ZYG11B: variants seen among roughly 807,000 people sequenced by gnomAD.
ZYG11B encodes zyg-11 family member B, cell cycle regulator.
ZYG11B carries 36 observed loss-of-function variants against 82.4 expected under a neutral mutation model. That is an observed-to-expected ratio of 0.44 (90% CI 0.33 to 0.58). The LOEUF (loss-of-function observed/expected upper bound fraction) is 0.58. ZYG11B is among the 20% of genes least tolerant of loss of function. The probability of loss-of-function intolerance (pLI) is 0.02; values close to 1 mark genes in which losing one functional copy is unlikely to be tolerated. For missense variants in ZYG11B, 552 were observed against 895.6 expected, an observed-to-expected ratio of 0.62 and a Z score of 4.90; for synonymous variants, 303 against 312.8, an observed-to-expected ratio of 0.97 and a Z score of 0.33.
chr1:52,785,010 A>G lies in ZYG11B; in HGVS notation c.1226A>G (p.His409Arg). ...GTCCGACTCCTGGCTGATGTGACCC[A>G]TTTGCTGCTCAAAGCCATGGAACAT... is the stretch of plus-strand genomic sequence containing the variant. The part of the protein sequence containing the change: ...MPVRLLADVT[H>R]LLLKAMEHFP... Residue 409 changes from histidine to arginine, a missense_variant, in exon 5 of 14, where the codon CAT becomes CGT. Physicochemically the swap from His to Arg is conservative, Grantham distance 29. This residue lies in a region of ZYG11B where 359 missense variants were observed against 555.8 expected (regional missense o/e 0.65). Coordinates refer to ENST00000294353, the MANE Select transcript of ZYG11B (RefSeq NM_024646.3). 1 of 1,613,738 alleles carries G rather than the reference A, an allele frequency of 6.2e-7. No homozygotes were observed.
chr1:52,788,208 G>A (rs1644929553), intron 5 of ZYG11B, among the ~76,000 whole-genome samples: 1 of 151,884 alleles, frequency 6.6e-6, no homozygotes, highest in African/African-American at 2.4e-5. Flanking sequence ...ATTCCACATT[G>A]AATTCCTTAA....
At chr1:52,776,097 T>C (rs912060559) in intron 3 of ZYG11B, among the ~76,000 whole-genome samples, 1 of 150,302 alleles carries the variant, frequency 6.7e-6, no homozygotes, top group African/African-American at 2.4e-5. Flanking sequence ...CGCATGCCTG[T>C]AATCCCAGCT....
intron 3 of ZYG11B, among the ~76,000 whole-genome samples, chr1:52,774,609 A>ATTTTTTTTTTTTTTTTTTTTT (rs35043109): frequency 9.0e-6 from 1 of 111,148 alleles, no homozygotes; most frequent in Non-Finnish European, 1.7e-5. Context: ...GCCTGGCCTA[A>ATTTTTTTTTTTTTTTTTTTTT]TTTTTTTTTT....
chr1:52,793,110 G>C (rs918609169), intron 6 of ZYG11B, among the ~76,000 whole-genome samples: 1 of 151,912 alleles, frequency 6.6e-6, no homozygotes, highest in Non-Finnish European at 1.5e-5. Context: ...AAAGTGCTGG[G>C]ATTACAGGTG....
intron 1 of ZYG11B, among the ~76,000 whole-genome samples, chr1:52,726,891 CT>C (rs1231169380): frequency 6.6e-6 from 1 of 152,056 alleles, no homozygotes; most frequent in East Asian, 1.9e-4. Context: ...GTGACACCCC[CT>C]GAATCTCCCT....
intron 10 of ZYG11B, among the ~76,000 whole-genome samples, chr1:52,808,733 A>G (rs898571789): frequency 3.9e-5 from 6 of 152,152 alleles, no homozygotes; most frequent in Admixed American, 2.0e-4. Context: ...GCTAATTTGC[A>G]CATGTTAAGC....
At chr1:52,776,176 G>A (rs1244751233) in intron 3 of ZYG11B, among the ~76,000 whole-genome samples, 4 of 123,192 alleles carry the variant, frequency 3.2e-5, no homozygotes, top group East Asian at 2.3e-4. Flanking sequence ...CCAAGATGGC[G>A]CCATTGATTT....
chr1:52,793,896 C>CTTCCTTCA (rs1268346317), intron 6 of ZYG11B, among the ~76,000 whole-genome samples: 11 of 148,976 alleles, frequency 7.4e-5, no homozygotes, highest in African/African-American at 2.8e-4. Context: ...TCCTTCCTTC[C>CTTCCTTCA]TTCCTTTCTT....
At chr1:52,786,539 A>T (rs1644914134) in intron 5 of ZYG11B, among the ~76,000 whole-genome samples, 2 of 152,124 alleles carry the variant, frequency 1.3e-5, no homozygotes, top group Non-Finnish European at 2.9e-5. Flanking sequence ...ACTTGAGCCC[A>T]GGAGTTCAAG....
rs1430699406 is a variant in ZYG11B, at chr1:52,823,611, T to C, written c.*1982T>C. On this transcript the variant is annotated 3_prime_UTR_variant, in exon 14 of 14. Transcript: ENST00000294353. ...GTGGTAGTTTGGAAATTGCTAGATATGTTGACCGTTTCCAGGTCTTTTATC... is the reference window on the plus strand; with the variant it reads ...GTGGTAGTTTGGAAATTGCTAGATACGTTGACCGTTTCCAGGTCTTTTATC... 6 of 151,996 alleles carry C rather than the reference T, an allele frequency of 3.9e-5. No homozygotes were observed. The highest frequency in any genetic ancestry group is 5.9e-5 in the Non-Finnish European group (4 of 68,006). 9.4% of individuals were successfully genotyped at this position (151,996 alleles called of 1,614,324 possible). A position where few individuals can be genotyped will look rare whatever the true frequency, so the allele number is the denominator to read the frequency against.
intron 4 of ZYG11B, among the ~76,000 whole-genome samples, chr1:52,783,205 G>T (rs773922218): frequency 6.6e-6 from 1 of 152,174 alleles, no homozygotes; most frequent in Non-Finnish European, 1.5e-5. Context: ...GGGATTACAG[G>T]CATGAGCCAC....
chr1:52,749,026 C>A (rs970495271), intron 1 of ZYG11B, among the ~76,000 whole-genome samples: 2 of 151,676 alleles, frequency 1.3e-5, no homozygotes, highest in South Asian at 2.1e-4. Flanking sequence ...CATGATGAAA[C>A]CCCGTTTCTA....
At chr1:52,792,119 T>G (rs1039127405) in intron 6 of ZYG11B, among the ~76,000 whole-genome samples, 2 of 152,200 alleles carry the variant, frequency 1.3e-5, no homozygotes, top group Non-Finnish European at 2.9e-5. Flanking sequence ...TCCTCTCATC[T>G]AGCCAATGCA....
rs1644747665 is a variant in ZYG11B at position 52,771,228 on chromosome 1, G to A, written c.405G>A (p.Gln135=). 6.2e-7 allele frequency: 1 copy of A among 1,614,198 alleles called. No individual in the cohort carries two copies. The highest frequency in any genetic ancestry group is 8.5e-7 in the Non-Finnish European group (1 of 1,180,034). Residue 135 remains glutamine (Q), a synonymous_variant, in exon 3 of 14, where the codon CAG becomes CAA. Coordinates refer to ENST00000294353, the MANE Select transcript of ZYG11B (RefSeq NM_024646.3). The surrounding 1 kb of genome is among the most constrained non-coding windows in gnomAD (Gnocchi z 5.4). ...ISGLGSNKWI[Q]QNLQCLVLNS... ...GGCTTGGCAGTAACAAATGGATCCA[G>A]CAGAATCTCCAGTGCCTGGTGCTGA...
intron 1 of ZYG11B, among the ~76,000 whole-genome samples, chr1:52,740,840 C>T (rs1242330698): frequency 6.7e-6 from 1 of 148,978 alleles, no homozygotes; most frequent in Non-Finnish European, 1.5e-5. Context: ...GCTGGGATTA[C>T]AGGTGTGAGC....
At chr1:52,767,082 TTA>T (rs1394042097) in intron 2 of ZYG11B, among the ~76,000 whole-genome samples, 1 of 116,568 alleles carries the variant, frequency 8.6e-6, no homozygotes, top group Non-Finnish European at 1.6e-5. Context: ...TTATGTTATT[TTA>T]TGTTATATTA....
chr1:52,755,226 G>A (rs748764390), intron 1 of ZYG11B, among the ~76,000 whole-genome samples: 1 of 152,052 alleles, frequency 6.6e-6, no homozygotes, highest in African/African-American at 2.4e-5. Flanking sequence ...CTCCCAAAGT[G>A]CTGGGATTAC....
At chr1:52,734,969 TC>T (rs1272843966) in intron 1 of ZYG11B, among the ~76,000 whole-genome samples, 3 of 151,670 alleles carry the variant, frequency 2.0e-5, no homozygotes, top group Non-Finnish European at 4.4e-5. Context: ...CCTCAGGTGA[TC>T]CGCCCGCCTT....
intron 2 of ZYG11B, among the ~76,000 whole-genome samples, chr1:52,758,483 T>C (rs1644599332): frequency 6.6e-6 from 1 of 151,868 alleles, no homozygotes; most frequent in Admixed American, 6.6e-5. Flanking sequence ...AATAGTGGAG[T>C]CCTAATTCAT....
Sources: allele counts gnomAD v4.1 joint callset (sites outside exome capture counted in the v4.1 genomes callset), GRCh38; gene constraint gnomAD v4.1.1; regional missense constraint gnomAD v4.1.1; non-coding constraint Gnocchi (gnomAD v3.1); transcripts MANE v1.5; gene names NCBI Gene and HGNC (gene_info 2026-07-23, HGNC 2026-07-21).